Variants in NRDC observed in about 807,000 individuals in gnomAD.
NRDC encodes the protein nardilysin.
In NRDC, 54 loss-of-function variants were observed where a neutral mutation model predicts 147.1. That is an observed-to-expected ratio of 0.37 (90% CI 0.29 to 0.46). NRDC has a LOEUF of 0.46. Among genes scored for constraint, NRDC ranks in the 20% least tolerant of loss-of-function variants. The pLI is 1.00. For synonymous variants in NRDC, 440 were observed against 482.1 expected (o/e 0.91, Z 1.14); for missense variants, 1,082 against 1,370.6 (o/e 0.79, Z 3.33).
chr1:51,840,663 T>C (rs1681225634), intron 1 of NRDC, 149 bp from the exon 2 acceptor site: 2 of 621,168 alleles, frequency 3.2e-6, no homozygotes. Context: ...ATAAAATTGG[T>C]TGCTCTGGAG....
intron 21 of NRDC, 42 bp downstream of exon 21, chr1:51,800,514 T>C: frequency 1.2e-6 from 2 of 1,609,068 alleles, no homozygotes; most frequent in Non-Finnish European, 1.7e-6. Context: ...AGAGTAATAC[T>C]TTCAGGTCCT....
At chr1:51,801,628 A>G in intron 20 of NRDC, among the ~76,000 whole-genome samples, 1 of 152,170 alleles carries the variant, frequency 6.6e-6, no homozygotes. Context: ...TTTTTTCCAA[A>G]AAAGTTTTTA....
intron 1 of NRDC, among the ~76,000 whole-genome samples, chr1:51,843,321 A>AC (rs1347976015): frequency 6.6e-6 from 1 of 151,958 alleles, no homozygotes; most frequent in African/African-American, 2.4e-5. Flanking sequence ...TAAAAAAAAA[A>AC]AAAAAAAACC....
intron 1 of NRDC, among the ~76,000 whole-genome samples, chr1:51,869,818 G>A (rs751790949): frequency 6.6e-6 from 1 of 152,128 alleles, no homozygotes; most frequent in Non-Finnish European, 1.5e-5. Flanking sequence ...ATCAGCATAC[G>A]CATTTGTAGT....
intron 14 of NRDC, among the ~76,000 whole-genome samples, chr1:51,812,961 C>CAAAAAAAAAA (rs5774107): frequency 1.4e-5 from 1 of 71,816 alleles, no homozygotes; most frequent in Non-Finnish European, 2.4e-5. Flanking sequence ...GACTCTGTCT[C>CAAAAAAAAAA]AAAAAAAAAA....
intron 1 of NRDC, among the ~76,000 whole-genome samples, chr1:51,842,177 T>C (rs575337167): frequency 1.3e-5 from 2 of 150,544 alleles, no homozygotes; most frequent in Admixed American, 1.3e-4. Flanking sequence ...GTCCCAAAAA[T>C]TAATAAATAA....
chr1:51,817,617 C>T (rs1051786299), intron 10 of NRDC, among the ~76,000 whole-genome samples: 1 of 152,176 alleles, frequency 6.6e-6, no homozygotes, highest in Non-Finnish European at 1.5e-5. Flanking sequence ...TATCAACTCA[C>T]TGCAACCTCC....
chr1:51,790,860 G>A, intron 28 of NRDC, 40 bp downstream of exon 28: 1 of 1,525,364 alleles, frequency 6.6e-7, no homozygotes, highest in South Asian at 1.1e-5. Context: ...CTGGGGGCTT[G>A]TGTGGGCCAA....
At chr1:51,819,298 C>CAAAA (rs200262192) in intron 9 of NRDC, among the ~76,000 whole-genome samples, 1 of 98,034 alleles carries the variant, frequency 1.0e-5, no homozygotes. Flanking sequence ...ACTCTGTCTC[C>CAAAA]AAAAAAAAAA....
At chr1:51,837,880 G>A (rs577303441) in intron 2 of NRDC, among the ~76,000 whole-genome samples, 169 of 152,140 alleles carry the variant, frequency 1.1e-3, no homozygotes, top group Middle Eastern at 0.01. Flanking sequence ...TTCAAAAAAC[G>A]ATCAAATATC....
intron 1 of NRDC, among the ~76,000 whole-genome samples, chr1:51,869,608 G>T (rs984510804): frequency 3.3e-5 from 5 of 152,008 alleles, no homozygotes; most frequent in Admixed American, 1.3e-4. Context: ...TTATAGCTAT[G>T]TATTATTTTC....
chr1:51,852,577 T>C (rs1208976147), intron 1 of NRDC, among the ~76,000 whole-genome samples: 2 of 1,602 alleles, frequency 1.2e-3, no homozygotes, highest in African/African-American at 3.3e-3. Flanking sequence ...TATTTATAGT[T>C]TTTTTAATAG....
chr1:51,845,674 G>A (rs1681524298), intron 1 of NRDC, among the ~76,000 whole-genome samples: 1 of 152,100 alleles, frequency 6.6e-6, no homozygotes, highest in Non-Finnish European at 1.5e-5. Context: ...TAGCTCTTTC[G>A]CCCATTTCTA....
rs181899691 is a variant in NRDC, at chr1:51,872,208, T to G, written c.341+6067A>C. Among the ~76,000 whole-genome samples, 606 of 152,254 alleles carry G rather than the reference T, an allele frequency of 4.0e-3. 5 individuals carry two copies. Among genetic ancestry groups the G allele is most frequent in the Admixed American group, 8.4e-3 (129 of 15,302 alleles). On this transcript the variant is annotated intron_variant, in intron 1 of 30. Coordinates refer to ENST00000352171, the MANE Select transcript of NRDC (RefSeq NM_001101662.2). The stretch of plus-strand genomic sequence containing the variant: ...AGTTTTTTGTTCTGGTTTTGTTTTT[T>G]TGAGACAGAGGCAGGTGATCTTCCT...
chr1:51,846,005 A>C (rs995564209), intron 1 of NRDC, among the ~76,000 whole-genome samples: 4 of 152,250 alleles, frequency 2.6e-5, no homozygotes, highest in Non-Finnish European at 4.4e-5. Context: ...CATTAAATGC[A>C]TATAAAGTTA....
rs17106803 is a variant in NRDC at position 51,822,373 on chromosome 1, A to C, written c.1160-818T>G. 7.6e-3 allele frequency among the ~76,000 whole-genome samples: 1,154 copies of C among 152,280 alleles called. 15 individuals are homozygous for C. Among genetic ancestry groups the C allele is most frequent in the African/African-American group, 0.026 (1,100 of 41,546 alleles). On this transcript the variant is annotated intron_variant, in intron 7 of 30. Coordinates refer to ENST00000352171, the MANE Select transcript of NRDC (RefSeq NM_001101662.2). ...AAATCCTATGAAATCTACATTGTACATAGTTTTCATCAAAACTCTAGCCTA... is the reference window on the plus strand; with the variant it reads ...AAATCCTATGAAATCTACATTGTACCTAGTTTTCATCAAAACTCTAGCCTA...
intron 7 of NRDC, among the ~76,000 whole-genome samples, chr1:51,822,694 A>G (rs2792595): frequency 0.072 from 10,985 of 152,334 alleles, 445 homozygotes; most frequent in Middle Eastern, 0.21. Flanking sequence ...ACAATAATCA[A>G]AAATTGTGAA....
At chr1:51,794,963 G>A (rs1678829246) in intron 22 of NRDC, 109 bp from the exon 23 acceptor site, 17 of 1,565,932 alleles carry the variant, frequency 1.1e-5, no homozygotes, top group Non-Finnish European at 9.5e-6. Flanking sequence ...ATAGCTTTAG[G>A]AAAGCAGATA....
chr1:51,826,994 C>T (rs983260750), intron 5 of NRDC, among the ~76,000 whole-genome samples: 1 of 152,070 alleles, frequency 6.6e-6, no homozygotes, highest in Non-Finnish European at 1.5e-5. Flanking sequence ...GTTTTTTCAT[C>T]CATTCAACAG....
Sources: allele counts gnomAD v4.1 joint callset (sites outside exome capture counted in the v4.1 genomes callset), GRCh38; gene constraint gnomAD v4.1.1; transcripts MANE v1.5; gene names NCBI Gene and HGNC (gene_info 2026-07-23, HGNC 2026-07-21).